EIF4G3: variants seen among roughly 807,000 people sequenced by gnomAD.
EIF4G3 encodes the protein eukaryotic translation initiation factor 4 gamma 3.
A neutral mutation model predicts 186.4 loss-of-function variants in EIF4G3; 34 were observed. That is an observed-to-expected ratio of 0.18 (90% confidence interval 0.14 to 0.24). EIF4G3 has a LOEUF of 0.24. EIF4G3 is among the 10% of genes least tolerant of loss of function. The pLI is 1.00. For synonymous variants in EIF4G3, 673 were observed against 679.5 expected, an observed-to-expected ratio of 0.99 and a Z score of 0.15; for missense variants, 1,536 against 1,948.5, an observed-to-expected ratio of 0.79 and a Z score of 3.99.
chr1:20,827,305 T>C (rs1557808671), intron 32 of EIF4G3, among the ~76,000 whole-genome samples: 1 of 152,242 alleles, frequency 6.6e-6, no homozygotes, highest in Non-Finnish European at 1.5e-5. Context: ...ATGGAGCTTT[T>C]CGTTGAAATC....
At chr1:21,110,279 G>A (rs1225243673) in intron 2 of EIF4G3, among the ~76,000 whole-genome samples, 1 of 151,768 alleles carries the variant, frequency 6.6e-6, no homozygotes, top group African/African-American at 2.4e-5. Context: ...ATTCAGCACA[G>A]GTTTCAGAGT....
intron 6 of EIF4G3, chr1:20,999,492 C>T (rs2083023873): frequency 3.1e-6 from 1 of 318,088 alleles, no homozygotes; most frequent in South Asian, 2.7e-5. Flanking sequence ...ATGGCAGTAC[C>T]TGTCTTATCA....
intron 23 of EIF4G3, among the ~76,000 whole-genome samples, chr1:20,860,870 G>A (rs917810417): frequency 3.9e-5 from 6 of 152,136 alleles, no homozygotes; most frequent in Non-Finnish European, 7.3e-5. Context: ...ACATTTGAAA[G>A]GAGGAGAGAA....
intron 14 of EIF4G3, among the ~76,000 whole-genome samples, chr1:20,937,657 C>T (rs2095559354): frequency 6.6e-6 from 1 of 152,060 alleles, no homozygotes. Context: ...AAAAAAGTCA[C>T]AATTCTTTTA....
rs1553238416 is a variant in EIF4G3, at chr1:20,869,302, TA to T, written c.2623-4041del. On this transcript the variant is annotated intron_variant, in intron 20 of 36. Transcript: ENST00000602326. ...CTGGTTTCTAGAGGATAGTTTACTT[TA>T]AAATTTTTTTTTTTTTTTTTTTTTT... Among the ~76,000 whole-genome samples the T allele has an allele frequency of 5.4e-5, 8 of 149,178 alleles. No homozygotes were observed. The East Asian group carries it at 8.0e-4, about 15-fold the overall frequency.
chr1:21,032,343 A>G (rs944135979), intron 4 of EIF4G3, among the ~76,000 whole-genome samples: 1 of 152,194 alleles, frequency 6.6e-6, no homozygotes, highest in African/African-American at 2.4e-5. Context: ...ATAAATTAAA[A>G]AATGTACATT....
chr1:20,970,942 G>T (rs2075764764), intron 11 of EIF4G3, among the ~76,000 whole-genome samples: 1 of 152,052 alleles, frequency 6.6e-6, no homozygotes, highest in African/African-American at 2.4e-5. Flanking sequence ...CCAGCCTGGG[G>T]GAAAAGAGCG....
chr1:20,991,891 T>A (rs1164006624), intron 7 of EIF4G3, among the ~76,000 whole-genome samples: 1 of 152,208 alleles, frequency 6.6e-6, no homozygotes, highest in Non-Finnish European at 1.5e-5. Flanking sequence ...CAAGGACTTA[T>A]TTCATTTCAG....
intron 2 of EIF4G3, among the ~76,000 whole-genome samples, chr1:21,161,153 A>T (rs575803441): frequency 6.6e-6 from 1 of 152,096 alleles, no homozygotes; most frequent in South Asian, 2.1e-4. Flanking sequence ...CTTGGGCAAG[A>T]GAGAGAGACT....
At chr1:20,909,151 CAA>C (rs750457963) in intron 14 of EIF4G3, among the ~76,000 whole-genome samples, 3 of 120,516 alleles carry the variant, frequency 2.5e-5, no homozygotes, top group Admixed American at 1.7e-4. Context: ...GACTCCATTT[CAA>C]AAAAAAAAAA....
chr1:21,123,114 TAAGAC>T (rs2096956767), intron 2 of EIF4G3, among the ~76,000 whole-genome samples: 1 of 152,148 alleles, frequency 6.6e-6, no homozygotes, highest in South Asian at 2.1e-4. Flanking sequence ...TTAAAAGTTG[TAAGAC>T]ATCTGTCTAG....
intron 1 of EIF4G3, 34 bp downstream of exon 1, chr1:21,176,688 G>A (rs1195744626): frequency 1.3e-5 from 8 of 614,134 alleles, no homozygotes; most frequent in Admixed American, 5.5e-5. Flanking sequence ...GGGGGGGCCG[G>A]ACCCGGCGGG....
intron 2 of EIF4G3, among the ~76,000 whole-genome samples, chr1:21,100,015 A>C (rs1049468351): frequency 1.3e-5 from 2 of 152,228 alleles, no homozygotes; most frequent in Non-Finnish European, 2.9e-5. Context: ...AATACAATGG[A>C]ATTTTATTTG....
rs146772199 is a variant in EIF4G3 at position 20,918,654 on chromosome 1, T to C, written c.1664-13683A>G. 2.3e-3 allele frequency among the ~76,000 whole-genome samples: 344 copies of C among 152,168 alleles called. 3 individuals are homozygous for C. The Middle Eastern group carries it at 0.045, about 20-fold the overall frequency. On this transcript the variant is annotated intron_variant, in intron 14 of 36. Transcript: ENST00000602326. ...TTTCTTTTGAAAAATCTTACGTTTT[T>C]GCTATTTTTCTTACCACGAAAACTT...
chr1:20,888,290 C>G (rs958629009), intron 18 of EIF4G3, among the ~76,000 whole-genome samples: 2 of 152,100 alleles, frequency 1.3e-5, no homozygotes, highest in Admixed American at 1.3e-4. Flanking sequence ...CTTTGAAAAG[C>G]TAACTGATAA....
chr1:21,103,449 T>C (rs1237851405), intron 2 of EIF4G3, among the ~76,000 whole-genome samples: 1 of 152,148 alleles, frequency 6.6e-6, no homozygotes, highest in Non-Finnish European at 1.5e-5. Flanking sequence ...CCCTAGAGAA[T>C]ATTGAGTGTG....
chr1:20,979,049 T>G lies in EIF4G3; in HGVS notation c.493+1285A>C, dbSNP rs866615202. Among the ~76,000 whole-genome samples, 11 of 152,230 alleles carry G rather than the reference T, an allele frequency of 7.2e-5. No individual in the cohort carries two copies. The South Asian group carries it at 1.9e-3, about 26-fold the overall frequency. On this transcript the variant is annotated intron_variant, in intron 10 of 36. Transcript: ENST00000602326. Reference sequence around the variant, plus strand: ...AAGATTATTTAATAAGTTTTTGCTTTGTTGGTTATATAACAGATCAATGCT... The same window carrying G: ...AAGATTATTTAATAAGTTTTTGCTTGGTTGGTTATATAACAGATCAATGCT...
intron 14 of EIF4G3, among the ~76,000 whole-genome samples, chr1:20,909,322 T>C (rs901297401): frequency 6.6e-6 from 1 of 152,200 alleles, no homozygotes; most frequent in African/African-American, 2.4e-5. Flanking sequence ...TGCAGAAATA[T>C]CAGCTCTTAA....
intron 7 of EIF4G3, among the ~76,000 whole-genome samples, chr1:20,996,317 G>A (rs1328026185): frequency 2.6e-5 from 4 of 152,090 alleles, no homozygotes; most frequent in African/African-American, 9.7e-5. Flanking sequence ...CCTAGATCTA[G>A]CTGATGGCGA....
Sources: allele counts gnomAD v4.1 joint callset (sites outside exome capture counted in the v4.1 genomes callset), GRCh38; gene constraint gnomAD v4.1.1; transcripts MANE v1.5; gene names NCBI Gene and HGNC (gene_info 2026-07-23, HGNC 2026-07-21).